The following NR2F1-AS1 variants were observed in gnomAD, a reference collection of about 807,000 sequenced individuals.
NR2F1-AS1 encodes NR2F1 antisense RNA 1.
intron 4 of NR2F1-AS1, among the ~76,000 whole-genome samples, chr5:93,504,655 C>T (rs980700188): frequency 2.6e-5 from 4 of 152,006 alleles, no homozygotes; most frequent in South Asian, 2.1e-4. Flanking sequence ...TCTTACATGG[C>T]AGCAGCAAGA....
Position 93,428,767 on chromosome 5 carries a change from A to C in NR2F1-AS1, n.639-33225T>G, listed in dbSNP as rs533691130. Among the ~76,000 whole-genome samples the C allele has an allele frequency of 5.3e-5, 8 of 152,304 alleles. No individual in the cohort carries two copies. The South Asian group carries it at 1.2e-3, about 24-fold the overall frequency. On this transcript the variant is annotated intron_variant and non_coding_transcript_variant, in intron 4 of 5. Coordinates refer to ENST00000660523, the Ensembl canonical transcript of NR2F1-AS1. ...ATATAAGTACTTTAAAAACAGTAAA[A>C]ATTTTAAACCCTATACTTGCATTGA... is the stretch of plus-strand genomic sequence containing the variant.
chr5:93,520,022 G>C lies in NR2F1-AS1; in HGVS notation n.638+33739C>G, dbSNP rs1323553198. Reference sequence around the variant, plus strand: ...AGGTCTCAATGTTAAGAATCAGAGAGCTTTAAAAAGACAAATTCACATTCA... The same window carrying C: ...AGGTCTCAATGTTAAGAATCAGAGACCTTTAAAAAGACAAATTCACATTCA... On this transcript the variant is annotated intron_variant and non_coding_transcript_variant, in intron 4 of 5. Coordinates refer to ENST00000660523, the Ensembl canonical transcript of NR2F1-AS1. Among the ~76,000 whole-genome samples, 3 of 151,892 alleles carry C rather than the reference G, an allele frequency of 2.0e-5. No homozygotes were observed. The East Asian group carries it at 5.8e-4, about 29-fold the overall frequency.
intron 4 of NR2F1-AS1, among the ~76,000 whole-genome samples, chr5:93,461,148 C>T (rs1750082092): frequency 6.6e-6 from 1 of 152,186 alleles, no homozygotes; most frequent in South Asian, 2.1e-4. Context: ...GAATACTATG[C>T]AGCCATAAAA....
At chr5:93,482,171 A>C (rs1355466631) in intron 4 of NR2F1-AS1, among the ~76,000 whole-genome samples, 1 of 152,204 alleles carries the variant, frequency 6.6e-6, no homozygotes, top group Non-Finnish European at 1.5e-5. Flanking sequence ...AGATGGCCAA[A>C]TAGGAAAAGC....
chr5:93,552,750 C>A (rs1752261108), intron 4 of NR2F1-AS1, among the ~76,000 whole-genome samples: 1 of 150,694 alleles, frequency 6.6e-6, no homozygotes. Flanking sequence ...GGTGATAACT[C>A]AAGTGAAAGC....
intron 4 of NR2F1-AS1, among the ~76,000 whole-genome samples, chr5:93,524,646 A>T (rs1751573396): frequency 6.6e-6 from 1 of 152,208 alleles, no homozygotes; most frequent in Non-Finnish European, 1.5e-5. Flanking sequence ...CCATCAGACA[A>T]ACAGCAGATC....
At chr5:93,465,403 G>A (rs956621099) in intron 4 of NR2F1-AS1, among the ~76,000 whole-genome samples, 6 of 152,158 alleles carry the variant, frequency 3.9e-5, no homozygotes, top group South Asian at 4.1e-4. Flanking sequence ...TTAGAATGGC[G>A]ATCATTAAAA....
chr5:93,582,148 T>C (rs1164438304), upstream of NR2F1-AS1, among the ~76,000 whole-genome samples: 1 of 139,134 alleles, frequency 7.2e-6, no homozygotes, highest in Non-Finnish European at 1.5e-5. Flanking sequence ...CTCGTTTGTT[T>C]GCTCTTTTCC....
intron 4 of NR2F1-AS1, among the ~76,000 whole-genome samples, chr5:93,535,207 T>C (rs1232399951): frequency 6.6e-6 from 1 of 150,966 alleles, no homozygotes; most frequent in South Asian, 2.1e-4. Flanking sequence ...GTGACAAAGC[T>C]CTCTCTTTGG....
intron 4 of NR2F1-AS1, among the ~76,000 whole-genome samples, chr5:93,512,246 A>G (rs2149891272): frequency 6.6e-6 from 1 of 152,242 alleles, no homozygotes; most frequent in East Asian, 1.9e-4. Flanking sequence ...GTGTATTTGT[A>G]TCTTAGTTTT....
intron 4 of NR2F1-AS1, among the ~76,000 whole-genome samples, chr5:93,496,258 C>T (rs75859538): frequency 7.6e-4 from 115 of 152,252 alleles, no homozygotes; most frequent in Admixed American, 2.3e-3. Context: ...TAGCTGCTTA[C>T]GTCTTGCTTT....
chr5:93,473,668 T>C (rs1750420252), intron 4 of NR2F1-AS1, among the ~76,000 whole-genome samples: 1 of 151,010 alleles, frequency 6.6e-6, no homozygotes, highest in African/African-American at 2.4e-5. Context: ...AATGCTATAG[T>C]ATATTCCTAA....
At chr5:93,446,608 G>A (rs1003981905) in intron 4 of NR2F1-AS1, among the ~76,000 whole-genome samples, 3 of 152,098 alleles carry the variant, frequency 2.0e-5, no homozygotes, top group African/African-American at 4.8e-5. Flanking sequence ...AATCAATATC[G>A]TGAAAATGGC....
At chr5:93,557,204 G>A (rs564837551) in intron 2 of NR2F1-AS1, among the ~76,000 whole-genome samples, 3 of 152,304 alleles carry the variant, frequency 2.0e-5, no homozygotes, top group East Asian at 3.9e-4. Flanking sequence ...TCTTGGTAAT[G>A]CGTAGAGCTG....
rs567814017 is a variant in NR2F1-AS1, at chr5:93,508,682, A to C, written n.638+45079T>G. On this transcript the variant is annotated intron_variant and non_coding_transcript_variant, in intron 4 of 5. Transcript: ENST00000660523. ...AAAAAGATAAACCACAAAATGGTAC[A>C]AGTTTACAATGCATATGACCAAACA... Among the ~76,000 whole-genome samples the C allele has an allele frequency of 4.6e-5, 7 of 152,222 alleles. No homozygotes were observed. The South Asian group carries it at 1.4e-3, about 32-fold the overall frequency.
chr5:93,564,883 C>T (rs908250358), intron 1 of NR2F1-AS1, among the ~76,000 whole-genome samples: 5 of 152,056 alleles, frequency 3.3e-5, no homozygotes, highest in Non-Finnish European at 7.4e-5. Context: ...AAATGACTTT[C>T]CAGGAAAGTC....
chr5:93,497,028 C>G (rs967023743), intron 4 of NR2F1-AS1, among the ~76,000 whole-genome samples: 21 of 152,148 alleles, frequency 1.4e-4, no homozygotes, highest in African/African-American at 5.1e-4. Flanking sequence ...CAAACACTGT[C>G]CAAATGAGTG....
At chr5:93,438,309 GA>G (rs1393964329) in intron 4 of NR2F1-AS1, among the ~76,000 whole-genome samples, 1 of 152,192 alleles carries the variant, frequency 6.6e-6, no homozygotes, top group East Asian at 1.9e-4. Context: ...ACTGCTGCTT[GA>G]AACTGCTTGA....
rs1469409181 is a variant in NR2F1-AS1, at chr5:93,579,995, G to T, written n.313+472C>A. 6.6e-6 allele frequency among the ~76,000 whole-genome samples: 1 copy of T among 152,204 alleles called. No homozygotes were observed. On this transcript the variant is annotated intron_variant and non_coding_transcript_variant, in intron 1 of 5. Coordinates refer to ENST00000660523, the Ensembl canonical transcript of NR2F1-AS1. This position sits in a 1 kb window ranked among gnomAD's most constrained non-coding sequence, Gnocchi z 5.1. The stretch of plus-strand genomic sequence containing the variant: ...CAGGTGGGCGGCTGCAGCCAAGCTC[G>T]CCAGGTTCAGGCCGTAACCAGGCAA...
Sources: allele counts gnomAD v4.1 joint callset (sites outside exome capture counted in the v4.1 genomes callset), GRCh38; gene constraint gnomAD v4.1.1; non-coding constraint Gnocchi (gnomAD v3.1); transcripts MANE v1.5; gene names NCBI Gene and HGNC (gene_info 2026-07-23, HGNC 2026-07-21).